ATAD2B: variants seen among roughly 807,000 people sequenced by gnomAD.
The protein encoded by ATAD2B is ATPase family AAA domain containing 2B.
In ATAD2B, 40 loss-of-function variants were observed where a neutral mutation model predicts 167.6. That is an observed-to-expected ratio of 0.24 (90% confidence interval 0.19 to 0.31). ATAD2B has a LOEUF of 0.31. Among genes scored for constraint, ATAD2B ranks in the 10% least tolerant of loss-of-function variants. The pLI is 1.00. For synonymous variants in ATAD2B, 579 were observed against 596.5 expected, an observed-to-expected ratio of 0.97 and a Z score of 0.43; for missense variants, 1,242 against 1,757.2, an observed-to-expected ratio of 0.71 and a Z score of 5.24.
chr2:23,798,910 T>C (rs1683025803), intron 18 of ATAD2B, among the ~76,000 whole-genome samples: 1 of 152,160 alleles, frequency 6.6e-6, no homozygotes, highest in African/African-American at 2.4e-5. Context: ...CTAACTTATC[T>C]AAAGAGCAAA....
the ATAD2B span, among the ~76,000 whole-genome samples, chr2:23,686,266 G>A: frequency 3.3e-5 from 5 of 151,932 alleles, no homozygotes; most frequent in Non-Finnish European, 5.9e-5. Flanking sequence ...GGGAGGGGAC[G>A]CCCACCTGAA....
At chr2:23,742,106 G>C in the ATAD2B span, among the ~76,000 whole-genome samples, 1 of 152,128 alleles carries the variant, frequency 6.6e-6, no homozygotes, top group Admixed American at 6.5e-5. Flanking sequence ...ACTGTTGGTG[G>C]GACTGTAAAC....
chr2:23,923,293 A>G (rs762876220), intron 1 of ATAD2B, among the ~76,000 whole-genome samples: 9 of 152,206 alleles, frequency 5.9e-5, no homozygotes, highest in Non-Finnish European at 1.2e-4. Flanking sequence ...CTGCTAGTTT[A>G]GTGGAATCTA....
chr2:23,746,395 G>T (rs951215766), downstream of ATAD2B, among the ~76,000 whole-genome samples: 34 of 152,138 alleles, frequency 2.2e-4, no homozygotes, highest in Non-Finnish European at 8.8e-5. Flanking sequence ...ATTTGCATTT[G>T]TGTCTGTATA....
intron 18 of ATAD2B, chr2:23,799,785 A>G (rs953523548): frequency 2.6e-5 from 4 of 151,986 alleles, no homozygotes; most frequent in Admixed American, 1.3e-4. Context: ...AAGAAGCTCA[A>G]ATAATAATTG....
Position 23,750,133 on chromosome 2 carries a change from G to C in ATAD2B, c.*1913C>G, listed in dbSNP as rs1169431268. 6.6e-6 allele frequency: 1 copy of C among 152,028 alleles called. No individual in the cohort carries two copies. The highest frequency in any genetic ancestry group is 1.9e-4 in the East Asian group (1 of 5,186). 9.4% of individuals were successfully genotyped at this position (152,028 alleles called of 1,614,324 possible). ...TGGTAATAAATACTAAAGAAAGCAT[G>C]AAAATCCTCCCAATAATCAAATTAG... On this transcript the variant is annotated 3_prime_UTR_variant, in exon 28 of 28. Coordinates refer to ENST00000238789, the MANE Select transcript of ATAD2B (RefSeq NM_017552.4).
intron 25 of ATAD2B, among the ~76,000 whole-genome samples, chr2:23,756,558 C>A (rs1254461600): frequency 6.6e-6 from 1 of 152,090 alleles, no homozygotes; most frequent in African/African-American, 2.4e-5. Flanking sequence ...TCATCCCAGA[C>A]CCTGCTATGG....
chr2:23,869,600 A>C, intron 9 of ATAD2B, 63 bp downstream of exon 9: 1 of 1,124,836 alleles, frequency 8.9e-7, no homozygotes, highest in Non-Finnish European at 1.3e-6. Flanking sequence ...AAAGAAAATC[A>C]CTCAAAAAAA....
At chr2:23,802,837 C>T (rs1683714965) in intron 18 of ATAD2B, among the ~76,000 whole-genome samples, 1 of 151,928 alleles carries the variant, frequency 6.6e-6, no homozygotes, top group Admixed American at 6.6e-5. Context: ...AAAGAATTTC[C>T]CCTGTGAAAT....
chr2:23,885,617 G>A (rs999381710), intron 5 of ATAD2B, 110 bp downstream of exon 5: 9 of 577,464 alleles, frequency 1.6e-5, no homozygotes, highest in Admixed American at 1.0e-4. Context: ...AAATGAAGAC[G>A]AAGGAACACT....
intron 1 of ATAD2B, among the ~76,000 whole-genome samples, chr2:23,922,701 CA>C (rs11386515): frequency 8.6e-4 from 109 of 126,438 alleles, no homozygotes; most frequent in African/African-American, 1.4e-3. Flanking sequence ...GACTCTGTCT[CA>C]AAAAAAAAAA....
intron 22 of ATAD2B, among the ~76,000 whole-genome samples, chr2:23,781,988 A>G (rs1004022839): frequency 2.6e-5 from 4 of 151,986 alleles, no homozygotes; most frequent in African/African-American, 9.7e-5. Context: ...TAATTTTTGT[A>G]ATTTTTTTGT....
At chr2:23,902,364 G>A (rs56339558) in intron 1 of ATAD2B, among the ~76,000 whole-genome samples, 28,477 of 152,094 alleles carry the variant, frequency 0.19, 2,782 homozygotes, top group Middle Eastern at 0.26. Context: ...AGGGATTTAA[G>A]TAAAGTAAGC....
rs141852809 is a variant in ATAD2B at position 23,853,834 on chromosome 2, C to A, written c.1568+3581G>T. Among the ~76,000 whole-genome samples the A allele has an allele frequency of 3.2e-3, 482 of 152,280 alleles. 12 individuals carry two copies. Among genetic ancestry groups the A allele is most frequent in the Non-Finnish European group, 8.7e-4 (59 of 68,016 alleles). ...GGATAGACCTGTAGATCAATGGAAT[C>A]AACTAACAAATCTAGAAATAGACAC... is the stretch of plus-strand genomic sequence containing the variant. On this transcript the variant is annotated intron_variant, in intron 13 of 27. Transcript: ENST00000238789.
intron 1 of ATAD2B, among the ~76,000 whole-genome samples, chr2:23,915,617 C>T: frequency 1.1e-5 from 1 of 91,426 alleles, no homozygotes; most frequent in African/African-American, 4.3e-5. Context: ...TTTTTTGAGA[C>T]AGTCTTGCTC....
the ATAD2B span, among the ~76,000 whole-genome samples, chr2:23,740,846 C>G: frequency 1.3e-5 from 2 of 152,200 alleles, no homozygotes; most frequent in Admixed American, 6.5e-5. Flanking sequence ...TAAGCAACTT[C>G]AGCAAAGTCT....
At chr2:23,890,171 C>T (rs902686269) in intron 2 of ATAD2B, among the ~76,000 whole-genome samples, 5 of 151,916 alleles carry the variant, frequency 3.3e-5, no homozygotes, top group Admixed American at 6.6e-5. Flanking sequence ...GCCGAGATCG[C>T]GCCACTGCAC....
the ATAD2B span, among the ~76,000 whole-genome samples, chr2:23,683,321 C>T: frequency 7.9e-5 from 12 of 152,356 alleles, no homozygotes; most frequent in Admixed American, 7.2e-4. Context: ...GTCATTCTGG[C>T]CCAAGGATCA....
chr2:23,908,411 G>A (rs1701795873), intron 1 of ATAD2B, among the ~76,000 whole-genome samples: 1 of 152,186 alleles, frequency 6.6e-6, no homozygotes, highest in Non-Finnish European at 1.5e-5. Context: ...GGCCATCAGA[G>A]AAATGCAAAT....
Sources: gnomAD v4.1 joint callset for allele counts (sites outside exome capture counted in the v4.1 genomes callset) on GRCh38, gnomAD v4.1.1 for gene constraint, MANE v1.5 for transcripts, NCBI Gene and HGNC (gene_info 2026-07-23, HGNC 2026-07-21) for gene names.